The following RP1L1 variants were observed in gnomAD, a reference collection of about 807,000 sequenced individuals.
RP1L1 encodes the protein RP1 like 1.
A neutral mutation model predicts 15.7 loss-of-function variants in RP1L1; 27 were observed. The observed-to-expected ratio is 1.72, with a 90% confidence interval of 1.27 to 2.38. The LOEUF is 2.38. RP1L1 is among the 30% of genes most tolerant of loss of function. The probability of loss-of-function intolerance (pLI) is 0.00; values close to 1 mark genes in which losing one functional copy is unlikely to be tolerated. For missense variants in RP1L1, 4,798 were observed against 3,075.9 expected, an observed-to-expected ratio of 1.56 and a Z score of -13.24; for synonymous variants, 1,813 against 1,276.7, an observed-to-expected ratio of 1.42 and a Z score of -8.96.
Position 10,607,769 on chromosome 8 carries a change from G to A in RP1L1, c.6329C>T (p.Ala2110Val), listed in dbSNP as rs886062576. The A allele has an allele frequency of 6.9e-6, 11 of 1,601,948 alleles. No individual in the cohort carries two copies. Among genetic ancestry groups the A allele is most frequent in the African/African-American group, 1.4e-5 (1 of 70,552 alleles). Residue 2110 changes from alanine (A) to valine (V), a missense_variant, in exon 4 of 4, where the codon GCC (alanine) becomes GTC (valine). Transcript: ENST00000382483. Reference protein sequence around the residue: ...GVEAPEAEGEAQKAEGIEAPE... With the variant: ...GVEAPEAEGEVQKAEGIEAPE... Reference sequence around the variant, plus strand: ...GGCCTCTATACCTTCTGCCTTCTGGGCCTCCCCTTCTGCCTCTGGGGCCTC... The same window carrying A: ...GGCCTCTATACCTTCTGCCTTCTGGACCTCCCCTTCTGCCTCTGGGGCCTC...
chr8:10,651,148 A>G (rs1442738164), intron 1 of RP1L1, among the ~76,000 whole-genome samples: 1 of 152,194 alleles, frequency 6.6e-6, no homozygotes, highest in Non-Finnish European at 1.5e-5. Flanking sequence ...CTAAACTCCA[A>G]GGCTGTTCTT....
intron 3 of RP1L1, among the ~76,000 whole-genome samples, chr8:10,615,681 A>C (rs1400626146): frequency 6.6e-6 from 1 of 151,788 alleles, no homozygotes; most frequent in African/African-American, 2.4e-5. Context: ...GGTATGCGCC[A>C]CCATGCCTGG....
chr8:10,631,330 CACAT>C lies in RP1L1; in HGVS notation c.-19-8114_-19-8111del, dbSNP rs1195555384. ...GCACACACACGCACACACGCACACACACATGCACACACACGCACACACATGCACA... is the reference window on the plus strand; with the variant it reads ...GCACACACACGCACACACGCACACACGCACACACACGCACACACATGCACA... On this transcript the variant is annotated intron_variant, in intron 1 of 3. Transcript: ENST00000382483. Among the ~76,000 whole-genome samples the C allele has an allele frequency of 1.4e-4, 8 of 58,412 alleles. 1 individual carries two copies. In the East Asian group the frequency reaches 0.027, roughly 194 times the overall value. 38.3% of individuals were successfully genotyped at this position (58,412 alleles called of 152,430 possible).
rs184885103 is a variant in RP1L1, at chr8:10,646,684, A to C, written c.-20+8214T>G. ...GGCCTAGGAAGGGCCTCTCCTGCCC[A>C]CACCCACGGGTGGCACACAAGCACC... On this transcript the variant is annotated intron_variant, in intron 1 of 3. Transcript: ENST00000382483. Among the ~76,000 whole-genome samples the C allele has an allele frequency of 2.4e-3, 364 of 152,188 alleles. 2 individuals are homozygous for C. Among genetic ancestry groups the C allele is most frequent in the African/African-American group, 8.3e-3 (345 of 41,510 alleles).
At chr8:10,638,397 G>C (rs1417652753) in intron 1 of RP1L1, among the ~76,000 whole-genome samples, 1 of 151,736 alleles carries the variant, frequency 6.6e-6, no homozygotes, top group African/African-American at 2.4e-5. Flanking sequence ...TTTCATGTGG[G>C]GAAAAAAAAT....
At chr8:10,618,667 G>C (rs562254580) in intron 2 of RP1L1, among the ~76,000 whole-genome samples, 1 of 152,184 alleles carries the variant, frequency 6.6e-6, no homozygotes, top group Admixed American at 6.5e-5. Context: ...ACTCCAAACT[G>C]GGCAACAGAA....
chr8:10,610,936 G>A lies in RP1L1; in HGVS notation c.3162C>T (p.Ala1054=), dbSNP rs746625989. ...CTCTGTCTGCTCCGGCCTCTGCAGG[G>A]GCCTCGGAAACTCCCTCTGGAGCTG... ...QGAAPEGVSE[A]PAEAGADREA... Residue 1054 remains alanine (A), a synonymous_variant, in exon 4 of 4, where the codon GCC becomes GCT. Transcript: ENST00000382483. 47 of 1,611,350 alleles carry A rather than the reference G, an allele frequency of 2.9e-5. No homozygotes were observed. Among genetic ancestry groups the A allele is most frequent in the Non-Finnish European group, 3.9e-5 (46 of 1,179,484 alleles).
intron 1 of RP1L1, among the ~76,000 whole-genome samples, chr8:10,630,598 G>A (rs1292156329): frequency 6.6e-6 from 1 of 152,220 alleles, no homozygotes; most frequent in African/African-American, 2.4e-5. Flanking sequence ...GTCAGAGAAG[G>A]GAGCTTTGCA....
Position 10,608,086 on chromosome 8 carries a change from C to T in RP1L1, c.6012G>A (p.Glu2004=), listed in dbSNP as rs1168162098. 5.0e-6 allele frequency: 8 copies of T among 1,611,084 alleles called. No homozygotes were observed. Among genetic ancestry groups the T allele is most frequent in the African/African-American group, 1.4e-5 (1 of 73,796 alleles). The change falls in exon 4 of 4, where the codon GAG becomes GAA. Residue 2004 remains glutamate (E), a synonymous_variant. Transcript: ENST00000382483. The part of the protein sequence containing the change: ...QPESEDVEAP[E]AEGEMQEAEE... ...CTGCCTCTTGCATCTCCCCTTCAGC[C>T]TCTGGGGCCTCTACATCTTCTGACT...
chr8:10,609,582 C>T lies in RP1L1; in HGVS notation c.4516G>A (p.Val1506Met), dbSNP rs756813668. The change falls in exon 4 of 4, where the codon GTG becomes ATG. Residue 1506 changes from valine to methionine, a missense_variant. Val to Met is a conservative substitution (Grantham distance 21). Coordinates refer to ENST00000382483, the MANE Select transcript of RP1L1 (RefSeq NM_178857.6). ...CAGTCCAGAGCCGCGCTGCAGGCCA[C>T]CGAAGAGCTCCTCTCTGCAGCCCCC... ...TQGAAERSSS[V>M]ACSAALDCDP... The T allele has an allele frequency of 1.9e-6, 3 of 1,603,916 alleles. No homozygotes were observed. Among genetic ancestry groups the T allele is most frequent in the Non-Finnish European group, 2.5e-6 (3 of 1,177,838 alleles).
chr8:10,616,068 C>A (rs760310948), intron 3 of RP1L1, among the ~76,000 whole-genome samples: 1 of 151,998 alleles, frequency 6.6e-6, no homozygotes, highest in Admixed American at 6.6e-5. Flanking sequence ...TTATGCCTGG[C>A]ATATTTTTTT....
intron 1 of RP1L1, among the ~76,000 whole-genome samples, chr8:10,645,919 C>T (rs1251240882): frequency 1.3e-5 from 2 of 152,212 alleles, no homozygotes; most frequent in African/African-American, 4.8e-5. Flanking sequence ...TTCTCCTCTT[C>T]CCTCTTGTCT....
chr8:10,638,955 G>T (rs1056622794), intron 1 of RP1L1, among the ~76,000 whole-genome samples: 2 of 152,078 alleles, frequency 1.3e-5, no homozygotes, highest in Non-Finnish European at 2.9e-5. Flanking sequence ...GACCAGCCTG[G>T]CCAACACAGT....
chr8:10,609,956 G>C lies in RP1L1; in HGVS notation c.4142C>G (p.Pro1381Arg). ...AGCCTCTCCTTGCAGTCCTCCTTCT[G>C]GCCCTTCTTTAACTTCCTCTAACTG... The part of the protein sequence containing the change: ...GVQLEEVKEG[P>R]EGGLQGEALE... Residue 1381 changes from proline to arginine, a missense_variant, in exon 4 of 4, where the codon CCA (proline) becomes CGA (arginine). Coordinates refer to ENST00000382483, the MANE Select transcript of RP1L1 (RefSeq NM_178857.6). The C allele has an allele frequency of 1.3e-6, 2 of 1,594,350 alleles. No homozygotes were observed. The highest frequency in any genetic ancestry group is 1.7e-6 in the Non-Finnish European group (2 of 1,168,628).
rs143867755 is a variant in RP1L1, at chr8:10,626,331, G to A, written c.-19-3111C>T. 1.6e-4 allele frequency among the ~76,000 whole-genome samples: 24 copies of A among 152,322 alleles called. No individual in the cohort carries two copies. The East Asian group carries it at 4.6e-3, about 29-fold the overall frequency. On this transcript the variant is annotated intron_variant, in intron 1 of 3. Transcript: ENST00000382483. ...AGGGCTGAGCAGGGAGAGGGACAGG[G>A]CTGCTGCGAGACCTTGAAGGGCTGA...
At chr8:10,641,730 T>C (rs1399988472) in intron 1 of RP1L1, among the ~76,000 whole-genome samples, 1 of 152,224 alleles carries the variant, frequency 6.6e-6, no homozygotes, top group Non-Finnish European at 1.5e-5. Flanking sequence ...ATAGCAGCTT[T>C]TATGCCAAAC....
intron 1 of RP1L1, among the ~76,000 whole-genome samples, chr8:10,631,415 GCA>G (rs1388745288): frequency 4.2e-5 from 6 of 143,122 alleles, no homozygotes; most frequent in Admixed American, 2.1e-4. Flanking sequence ...ACGCACACAC[GCA>G]CACACACATG....
At chr8:10,649,778 T>C (rs887005898) in intron 1 of RP1L1, among the ~76,000 whole-genome samples, 1 of 152,112 alleles carries the variant, frequency 6.6e-6, no homozygotes, top group Non-Finnish European at 1.5e-5. Context: ...TGCTTCCGGC[T>C]CCAGGACAAC....
rs757608327 is a variant in RP1L1, at chr8:10,621,610, G to A, written c.609+983C>T. 3.1e-4 allele frequency: 134 copies of A among 434,300 alleles called. 2 individuals are homozygous for A. The highest frequency in any genetic ancestry group is 1.5e-3 in the South Asian group (92 of 61,566). 26.9% of individuals were successfully genotyped at this position (434,300 alleles called of 1,614,324 possible). A position where few individuals can be genotyped will look rare whatever the true frequency, so the allele number is the denominator to read the frequency against. On this transcript the variant is annotated intron_variant, in intron 2 of 3. Coordinates refer to ENST00000382483, the MANE Select transcript of RP1L1 (RefSeq NM_178857.6). The stretch of plus-strand genomic sequence containing the variant: ...CAAAGTGCTGGGATTACAGGCGTGC[G>A]CCACTGTGCCCAGTGATATGATATT...
Sources: allele counts gnomAD v4.1 joint callset (sites outside exome capture counted in the v4.1 genomes callset), GRCh38; gene constraint gnomAD v4.1.1; transcripts MANE v1.5; gene names NCBI Gene and HGNC (gene_info 2026-07-23, HGNC 2026-07-21).